KAZN: variants seen among roughly 807,000 people sequenced by gnomAD.
The protein encoded by KAZN is kazrin.
KAZN carries 40 observed loss-of-function variants against 87.4 expected under a neutral mutation model. The ratio of observed to expected loss-of-function variants is 0.46; its 90% CI spans 0.36 to 0.60. KAZN has a LOEUF of 0.60. Among genes scored for constraint, KAZN ranks in the 20% least tolerant of loss-of-function variants. KAZN has a pLI of 0.00. For synonymous variants in KAZN, 466 were observed against 458.3 expected (o/e 1.02, Z -0.22); for missense variants, 898 against 1,073.9 (o/e 0.84, Z 2.29).
At chr1:14,878,255 G>A (rs998478468) in intron 1 of KAZN, among the ~76,000 whole-genome samples, 4 of 152,054 alleles carry the variant, frequency 2.6e-5, no homozygotes, top group Non-Finnish European at 5.9e-5. Context: ...CCAGAACAGG[G>A]CTTCTCAACT....
At chr1:14,959,803 G>T (rs967357323) in intron 1 of KAZN, among the ~76,000 whole-genome samples, 3 of 152,192 alleles carry the variant, frequency 2.0e-5, no homozygotes, top group African/African-American at 7.2e-5. Context: ...GGGCATGGGT[G>T]TGTCTATCCG....
At chr1:14,511,993 TG>T (rs1670931795) in intron 2 of KAZN, among the ~76,000 whole-genome samples, 2 of 151,622 alleles carry the variant, frequency 1.3e-5, no homozygotes, top group Non-Finnish European at 1.5e-5. Context: ...TTTCAGGGGG[TG>T]GAAAGGGAGG....
rs59955064 is a variant in KAZN at position 14,845,361 on chromosome 1, G to GTGGATGGATGGATGGA, written c.227-115307_227-115292dup. Among the ~76,000 whole-genome samples, 124 of 147,332 alleles carry GTGGATGGATGGATGGA rather than the reference G, an allele frequency of 8.4e-4. 1 individual carries two copies. Among genetic ancestry groups the GTGGATGGATGGATGGA allele is most frequent in the African/African-American group, 2.8e-3 (111 of 38,968 alleles). ...GATGGATAGGTGAAGGGATGGATGAGTGGATGGATGGATGGATGGATGGAT... is the reference window on the plus strand; with the variant it reads ...GATGGATAGGTGAAGGGATGGATGAGTGGATGGATGGATGGATGGATGGATGGATGGATGGATGGAT... On this transcript the variant is annotated intron_variant, in intron 1 of 14. Coordinates refer to ENST00000376030, the MANE Select transcript of KAZN (RefSeq NM_201628.3).
chr1:14,053,842 T>C (rs542083684), intron 1 of KAZN, among the ~76,000 whole-genome samples: 1 of 152,302 alleles, frequency 6.6e-6, no homozygotes, highest in East Asian at 1.9e-4. Flanking sequence ...TCTGGAAGCC[T>C]TACCAATAAC....
At chr1:14,164,761 A>T (rs1645787964) in intron 1 of KAZN, among the ~76,000 whole-genome samples, 1 of 151,938 alleles carries the variant, frequency 6.6e-6, no homozygotes, top group Non-Finnish European at 1.5e-5. Context: ...GCTGGTCCCA[A>T]ATCCTAACCT....
intron 1 of KAZN, among the ~76,000 whole-genome samples, chr1:14,036,780 T>G (rs1022596092): frequency 6.6e-6 from 1 of 151,960 alleles, no homozygotes; most frequent in Non-Finnish European, 1.5e-5. Flanking sequence ...TTATTATTAT[T>G]ATTATCATTA....
intron 2 of KAZN, among the ~76,000 whole-genome samples, chr1:14,967,521 C>T (rs554272878): frequency 6.6e-6 from 1 of 152,252 alleles, no homozygotes; most frequent in African/African-American, 2.4e-5. Flanking sequence ...TGAGTTAGGT[C>T]ACACGGCAAA....
At chr1:14,823,275 T>G (rs1646788966) in intron 1 of KAZN, among the ~76,000 whole-genome samples, 1 of 151,530 alleles carries the variant, frequency 6.6e-6, no homozygotes, top group African/African-American at 2.4e-5. Context: ...GACGTCCCCG[T>G]GAAGTCATGC....
At chr1:14,512,408 C>T (rs557534831) in intron 2 of KAZN, among the ~76,000 whole-genome samples, 4 of 152,152 alleles carry the variant, frequency 2.6e-5, no homozygotes, top group South Asian at 2.1e-4. Flanking sequence ...CAGCACTCAC[C>T]GCCCACTGTG....
Position 14,769,310 on chromosome 1 carries a change from T to A in KAZN, c.226+170087T>A, listed in dbSNP as rs11583199. Among the ~76,000 whole-genome samples the A allele has an allele frequency of 0.49, 73,893 of 152,038 alleles. 18,795 individuals carry two copies. The highest frequency in any genetic ancestry group is 0.57 in the Non-Finnish European group (38,610 of 67,970). On this transcript the variant is annotated intron_variant, in intron 1 of 14. Transcript: ENST00000376030. This position sits in a 1 kb window ranked among gnomAD's most constrained non-coding sequence, Gnocchi z 4.1. ...CGTTATTGGCTTTTGGAAAGTCCCCTGAGTGTAGGGAACTATACCTTGGTC... is the reference window on the plus strand; with the variant it reads ...CGTTATTGGCTTTTGGAAAGTCCCCAGAGTGTAGGGAACTATACCTTGGTC...
At chr1:14,639,511 G>C (rs1174074718) in intron 1 of KAZN, among the ~76,000 whole-genome samples, 7 of 152,304 alleles carry the variant, frequency 4.6e-5, no homozygotes, top group African/African-American at 1.7e-4. Context: ...AGACCTGTTT[G>C]AGGCAGTATA....
intron 8 of KAZN, among the ~76,000 whole-genome samples, chr1:15,092,053 T>TTG (rs1640558952): frequency 2.4e-5 from 3 of 125,832 alleles, no homozygotes; most frequent in African/African-American, 1.1e-4. Context: ...AGAGGTTTTG[T>TTG]TTTTTTGTTT....
chr1:13,915,646 C>A (rs982278308), intron 1 of KAZN, among the ~76,000 whole-genome samples: 3 of 152,332 alleles, frequency 2.0e-5, no homozygotes, highest in African/African-American at 7.2e-5. Flanking sequence ...GTTGGAACAT[C>A]TCCTATCTGG....
At chr1:14,412,140 G>A (rs1272216071) in intron 2 of KAZN, among the ~76,000 whole-genome samples, 1 of 152,196 alleles carries the variant, frequency 6.6e-6, no homozygotes, top group Non-Finnish European at 1.5e-5. Flanking sequence ...AAGAAAAGAC[G>A]TGACAAACAG....
intron 1 of KAZN, among the ~76,000 whole-genome samples, chr1:13,906,086 A>G (rs1639427097): frequency 1.3e-5 from 2 of 152,148 alleles, no homozygotes; most frequent in Non-Finnish European, 2.9e-5. Flanking sequence ...TAATCTCCCC[A>G]TTACTAGATT....
chr1:14,563,219 A>G (rs1057367132), intron 2 of KAZN, among the ~76,000 whole-genome samples: 1 of 152,240 alleles, frequency 6.6e-6, no homozygotes, highest in Admixed American at 6.5e-5. Flanking sequence ...CGCCTGGATC[A>G]GCCTTTCTAC....
chr1:14,501,125 AAAT>A lies in KAZN; in HGVS notation c.250-97855_250-97853del, dbSNP rs1553180714. ...TAAATAAATAAATAAATAAATAAAT[AAAT>A]AAAAATAATAATAAAAGCCCACAAT... is the stretch of plus-strand genomic sequence containing the variant. On this transcript the variant is annotated intron_variant, in intron 2 of 16. Coordinates refer to the KAZN transcript ENST00000636203. Among the ~76,000 whole-genome samples, 82 of 138,646 alleles carry A rather than the reference AAAT, an allele frequency of 5.9e-4. 1 individual carries two copies. In the South Asian group the frequency reaches 6.8e-3, roughly 11 times the overall value. 91.0% of individuals were successfully genotyped at this position (138,646 alleles called of 152,430 possible). A position where few individuals can be genotyped will look rare whatever the true frequency, so the allele number is the denominator to read the frequency against.
intron 1 of KAZN, among the ~76,000 whole-genome samples, chr1:14,126,233 C>T (rs973471302): frequency 6.6e-6 from 1 of 152,188 alleles, no homozygotes; most frequent in African/African-American, 2.4e-5. Context: ...AAACACCTTT[C>T]TCTCATTGTG....
Position 14,666,450 on chromosome 1 carries a change from T to C in KAZN, c.226+67227T>C, listed in dbSNP as rs372951493. Among the ~76,000 whole-genome samples the C allele has an allele frequency of 8.5e-5, 13 of 152,086 alleles. No homozygotes were observed. In the East Asian group the frequency reaches 1.2e-3, roughly 14 times the overall value. On this transcript the variant is annotated intron_variant, in intron 1 of 14. Coordinates refer to ENST00000376030, the MANE Select transcript of KAZN (RefSeq NM_201628.3). ...GGAGGGAAACCAAGAGATTCAGAAT[T>C]TGGGGAGTTGCATGTAATTAAAATA...
Sources: gnomAD v4.1 joint callset for allele counts (sites outside exome capture counted in the v4.1 genomes callset) on GRCh38, gnomAD v4.1.1 for gene constraint, Gnocchi (gnomAD v3.1) non-coding constraint, MANE v1.5 for transcripts, NCBI Gene and HGNC (gene_info 2026-07-23, HGNC 2026-07-21) for gene names.